ZMYM4: variants seen among roughly 807,000 people sequenced by gnomAD.
ZMYM4 encodes the protein zinc finger MYM-type containing 4, also known as zinc finger MYM-type protein 4.
A neutral mutation model predicts 183.2 loss-of-function variants in ZMYM4; 31 were observed. The observed-to-expected ratio is 0.17, with a 90% CI of 0.13 to 0.23. The LOEUF (loss-of-function observed/expected upper bound fraction) is 0.23, where lower values mean the gene tolerates loss of function less well. Ranked by LOEUF, ZMYM4 falls within the 10% of genes least tolerant of loss-of-function variation. The pLI is 1.00. For missense variants in ZMYM4, 1,273 were observed against 1,840.3 expected (o/e 0.69, Z 5.64); for synonymous variants, 592 against 631.2 (o/e 0.94, Z 0.93).
intron 1 of ZMYM4, among the ~76,000 whole-genome samples, chr1:35,280,490 T>C (rs1418473541): frequency 6.6e-6 from 1 of 152,142 alleles, no homozygotes; most frequent in Admixed American, 6.6e-5. Context: ...TGTACTAAAA[T>C]CTGAATTAGT....
At chr1:35,376,059 C>T (rs1423416172) in intron 7 of ZMYM4, among the ~76,000 whole-genome samples, 1 of 150,176 alleles carries the variant, frequency 6.7e-6, no homozygotes, top group Non-Finnish European at 1.5e-5. Context: ...CTAGGTGACA[C>T]AGCAGGACAC....
chr1:35,291,989 A>T (rs948965465), intron 1 of ZMYM4, among the ~76,000 whole-genome samples: 2 of 152,092 alleles, frequency 1.3e-5, no homozygotes, highest in African/African-American at 4.8e-5. Flanking sequence ...CTTTGATACC[A>T]TAGTGTTTTT....
chr1:35,397,820 C>G (rs1644836496), intron 20 of ZMYM4, among the ~76,000 whole-genome samples: 1 of 152,124 alleles, frequency 6.6e-6, no homozygotes, highest in Non-Finnish European at 1.5e-5. Context: ...AATTCCATCT[C>G]TGTAATCAAA....
Position 35,419,669 on chromosome 1 carries a change from T to C in ZMYM4, c.4639T>C (p.Ser1547Pro), listed in dbSNP as rs1640258401. Residue 1547 changes from serine to proline, a missense_variant, in exon 30 of 30, where the codon TCA (serine) becomes CCA (proline). Physicochemically the swap from Ser to Pro is moderately conservative, Grantham distance 74. Coordinates refer to ENST00000314607, the MANE Select transcript of ZMYM4 (RefSeq NM_005095.3). ...ATCTGAAGACTCTGATGTTGAATTA[T>C]CAGATTAAAACGGAAGTGAGGTTCT... ...AKSEDSDVELSD is the reference protein window; with the variant it reads ...AKSEDSDVELPD 1 of 1,614,188 alleles carries C rather than the reference T, an allele frequency of 6.2e-7. No homozygotes were observed. Among genetic ancestry groups the C allele is most frequent in the East Asian group, 2.2e-5 (1 of 44,880 alleles).
At chr1:35,308,357 C>T (rs1641640930) in intron 1 of ZMYM4, among the ~76,000 whole-genome samples, 1 of 152,174 alleles carries the variant, frequency 6.6e-6, no homozygotes, top group South Asian at 2.1e-4. Context: ...TACTGTGTCC[C>T]ACACAAATGA....
intron 2 of ZMYM4, among the ~76,000 whole-genome samples, chr1:35,356,647 C>A (rs1293268605): frequency 6.6e-6 from 1 of 151,956 alleles, no homozygotes; most frequent in African/African-American, 2.4e-5. Context: ...TTTATTTTTT[C>A]TAGCTCTGTG....
chr1:35,322,485 CA>C (rs1391812411), intron 1 of ZMYM4, among the ~76,000 whole-genome samples: 1 of 151,686 alleles, frequency 6.6e-6, no homozygotes, highest in African/African-American at 2.4e-5. Context: ...GATTGTGATC[CA>C]AATTTTTTCA....
chr1:35,407,755 G>A (rs575110249), intron 25 of ZMYM4, among the ~76,000 whole-genome samples: 1 of 152,224 alleles, frequency 6.6e-6, no homozygotes, highest in African/African-American at 2.4e-5. Flanking sequence ...CTTCCCTGTT[G>A]GATAGCCCTC....
intron 2 of ZMYM4, among the ~76,000 whole-genome samples, chr1:35,348,108 AAAC>A (rs1445926017): frequency 2.0e-5 from 3 of 152,192 alleles, no homozygotes; most frequent in Non-Finnish European, 2.9e-5. Flanking sequence ...TCATATTGAA[AAAC>A]AACAATTTGT....
At position 35,417,012 on chromosome 1, in the gene ZMYM4, GA is replaced by G. The variant is rs545281802; in HGVS notation, c.4309+1302del. 2.0e-5 allele frequency among the ~76,000 whole-genome samples: 3 copies of G among 152,278 alleles called. No homozygotes were observed. The East Asian group carries it at 5.8e-4, about 29-fold the overall frequency. ...TTTCTATTTAGCTAGCTGCTAAATG[GA>G]AAATGGGTGAGTTTTGTTAAAGTAA... is the stretch of plus-strand genomic sequence containing the variant. On this transcript the variant is annotated intron_variant, in intron 28 of 29. Coordinates refer to ENST00000314607, the MANE Select transcript of ZMYM4 (RefSeq NM_005095.3).
At chr1:35,307,263 G>GA (rs1641573517) in intron 1 of ZMYM4, among the ~76,000 whole-genome samples, 1 of 152,124 alleles carries the variant, frequency 6.6e-6, no homozygotes, top group Admixed American at 6.5e-5. Context: ...AGAGTAAGGG[G>GA]AGAAAACACT....
At chr1:35,276,644 G>C (rs1639892953) in intron 1 of ZMYM4, among the ~76,000 whole-genome samples, 1 of 151,276 alleles carries the variant, frequency 6.6e-6, no homozygotes, top group African/African-American at 2.4e-5. Flanking sequence ...TTTTGCCCTT[G>C]TTGCCCAGGC....
In ZMYM4 at chr1:35,271,445, C is replaced by T. The variant is rs569980922; in HGVS notation, c.39+2360C>T. ...TGAGACAGAGTCTTGCTCTGTTGCCCAGGCTAGAGTGCGGTGGCGCAATCT... is the reference window on the plus strand; with the variant it reads ...TGAGACAGAGTCTTGCTCTGTTGCCTAGGCTAGAGTGCGGTGGCGCAATCT... On this transcript the variant is annotated intron_variant, in intron 1 of 29. Coordinates refer to ENST00000314607, the MANE Select transcript of ZMYM4 (RefSeq NM_005095.3). 5.9e-5 allele frequency among the ~76,000 whole-genome samples: 9 copies of T among 152,156 alleles called. No individual in the cohort carries two copies. In the East Asian group the frequency reaches 9.7e-4, roughly 16 times the overall value.
intron 1 of ZMYM4, among the ~76,000 whole-genome samples, chr1:35,312,828 C>T (rs1039196680): frequency 1.3e-5 from 2 of 151,180 alleles, no homozygotes; most frequent in Non-Finnish European, 2.9e-5. Flanking sequence ...TCAAGTGATT[C>T]TTGTGCCTCA....
chr1:35,412,432 G>C (rs529898016), intron 26 of ZMYM4, among the ~76,000 whole-genome samples: 94 of 152,190 alleles, frequency 6.2e-4, no homozygotes, highest in African/African-American at 2.1e-3. Context: ...AGGATTCGCG[G>C]TACAGTGTTG....
At chr1:35,354,727 TAAAAAAAAAAAAAAAA>T (rs57493035) in intron 2 of ZMYM4, among the ~76,000 whole-genome samples, 1 of 84,036 alleles carries the variant, frequency 1.2e-5, no homozygotes, top group African/African-American at 5.8e-5. Flanking sequence ...ACTTTGTCTT[TAAAAAAAAAAAAAAAA>T]AAAAAAAAAA....
At chr1:35,299,822 T>C (rs762894140) in intron 1 of ZMYM4, among the ~76,000 whole-genome samples, 28 of 150,186 alleles carry the variant, frequency 1.9e-4, no homozygotes, top group Non-Finnish European at 3.4e-4. Context: ...TGAGACAGAG[T>C]CTTGCTCTGT....
At chr1:35,392,523 G>A (rs1450466893) in intron 16 of ZMYM4, 124 bp from the exon 17 acceptor site, 41 of 1,292,372 alleles carry the variant, frequency 3.2e-5, no homozygotes, top group Admixed American at 5.2e-5. Context: ...AGTTTCTTCC[G>A]TTGAATTAAA....
In ZMYM4 at chr1:35,367,639, T is replaced by C. The variant is rs918555943; in HGVS notation, c.841-2390T>C. Among the ~76,000 whole-genome samples the C allele has an allele frequency of 5.3e-5, 8 of 152,320 alleles. No homozygotes were observed. The South Asian group carries it at 1.2e-3, about 24-fold the overall frequency. On this transcript the variant is annotated intron_variant, in intron 5 of 29. Coordinates refer to ENST00000314607, the MANE Select transcript of ZMYM4 (RefSeq NM_005095.3). The stretch of plus-strand genomic sequence containing the variant: ...AAAACAGACATTATTTTTTAAGAAT[T>C]TGATATATTTATCAATGGCAAATGA...
Sources: allele counts gnomAD v4.1 joint callset (sites outside exome capture counted in the v4.1 genomes callset), GRCh38; gene constraint gnomAD v4.1.1; transcripts MANE v1.5; gene names NCBI Gene and HGNC (gene_info 2026-07-23, HGNC 2026-07-21).